PDZD9: variants seen among roughly 807,000 people sequenced by gnomAD.
PDZD9 encodes PDZ domain-containing protein 9.
In PDZD9, 13 loss-of-function variants were observed where a neutral mutation model predicts 16.3. That is an observed-to-expected ratio of 0.80 (90% CI 0.52 to 1.27). The LOEUF (loss-of-function observed/expected upper bound fraction) is 1.27, where lower values mean the gene tolerates loss of function less well. PDZD9 is among the 50% of genes most tolerant of loss of function. The pLI is 0.00. For synonymous variants in PDZD9, 120 were observed against 111.0 expected, an observed-to-expected ratio of 1.08 and a Z score of -0.51; for missense variants, 288 against 310.9, an observed-to-expected ratio of 0.93 and a Z score of 0.55.
chr16:21,987,087 T>C (rs1346059168), intron 3 of PDZD9, among the ~76,000 whole-genome samples: 2 of 152,042 alleles, frequency 1.3e-5, no homozygotes, highest in Admixed American at 6.6e-5. Context: ...TCTTAAGAGA[T>C]TTTTTGCAGG....
At chr16:21,991,158 A>G (rs1320240175) in intron 2 of PDZD9, among the ~76,000 whole-genome samples, 1 of 152,072 alleles carries the variant, frequency 6.6e-6, no homozygotes, top group Non-Finnish European at 1.5e-5. Flanking sequence ...GGGTGTCTGC[A>G]CACACCAGGC....
At position 21,984,623 on chromosome 16, in the gene PDZD9, A is replaced by C. The variant is rs1898829877; in HGVS notation, c.439T>G (p.Phe147Val). Residue 147 changes from phenylalanine to valine, a missense_variant, in exon 4 of 4, where the codon TTC becomes GTC. Phe to Val is a conservative substitution (Grantham distance 50, BLOSUM62 -1). Transcript: ENST00000424898. ...KKIELAKDESFTSSDDNENVD... is the reference protein window; with the variant it reads ...KKIELAKDESVTSSDDNENVD... ...TTTTCATTATCATCACTGCTTGTGA[A>C]AGATTCATCTTTTGCCAGCTCAATT... 6.6e-7 allele frequency: 1 copy of C among 1,526,556 alleles called. No individual in the cohort carries two copies. The highest frequency in any genetic ancestry group is 8.8e-7 in the Non-Finnish European group (1 of 1,135,816). The allele number at this position is 1,526,556 out of a possible 1,614,324, so 94.6% of individuals were successfully genotyped here. A position where few individuals can be genotyped will look rare whatever the true frequency, so the allele number is the denominator to read the frequency against.
the PDZD9 span, chr16:21,962,979 A>G: frequency 7.3e-7 from 1 of 1,373,466 alleles, no homozygotes; most frequent in Non-Finnish European, 9.7e-7. Flanking sequence ...CAAAATTTTT[A>G]TTTTTATTTT....
the PDZD9 span, chr16:21,976,523 C>G: frequency 3.3e-6 from 1 of 301,760 alleles, no homozygotes; most frequent in Non-Finnish European, 6.2e-6. Context: ...AAGACCTCGT[C>G]TCCACCAAAA....
chr16:21,975,639 A>C, the PDZD9 span, among the ~76,000 whole-genome samples: 1 of 152,068 alleles, frequency 6.6e-6, no homozygotes, highest in Non-Finnish European at 1.5e-5. Flanking sequence ...TTCCTTCTTG[A>C]CCCTGGCTTA....
chr16:21,987,325 C>G (rs1898901637), intron 3 of PDZD9, among the ~76,000 whole-genome samples: 1 of 152,056 alleles, frequency 6.6e-6, no homozygotes, highest in Non-Finnish European at 1.5e-5. Flanking sequence ...GAGGCTGAGG[C>G]AGGAGAATCA....
chr16:21,984,887 A>G (rs556653859), intron 3 of PDZD9, among the ~76,000 whole-genome samples: 14 of 152,294 alleles, frequency 9.2e-5, no homozygotes, highest in Admixed American at 3.3e-4. Context: ...CCATACCTTA[A>G]AAAGTTTTGC....
chr16:21,988,728 T>C lies in PDZD9; in HGVS notation c.275A>G (p.Gln92Arg). The change falls in exon 3 of 4, where the codon CAG becomes CGG. Residue 92 changes from glutamine (Q) to arginine (R), a missense_variant. Transcript: ENST00000424898. Reference sequence around the variant, plus strand: ...TCCAATAGTGATATGTTGCAAAAGCTGTAAAAATTCTCGAAGAGTATATCC... The same window carrying C: ...TCCAATAGTGATATGTTGCAAAAGCCGTAAAAATTCTCGAAGAGTATATCC... ...VLGYTLREFL[Q>R]LLQHITIGTV... The C allele has an allele frequency of 6.2e-7, 1 of 1,613,666 alleles. No homozygotes were observed. The highest frequency in any genetic ancestry group is 8.5e-7 in the Non-Finnish European group (1 of 1,179,768).
At chr16:21,968,120 G>C in the PDZD9 span, among the ~76,000 whole-genome samples, 1 of 150,430 alleles carries the variant, frequency 6.6e-6, no homozygotes. Context: ...TCGTGCCTCA[G>C]CCACCCATGT....
At chr16:21,961,668 A>ATT in the PDZD9 span, among the ~76,000 whole-genome samples, 2 of 116,046 alleles carry the variant, frequency 1.7e-5, no homozygotes, top group Non-Finnish European at 1.7e-5. Flanking sequence ...ATATATATAT[A>ATT]TTTTAGACAG....
At chr16:21,993,182 T>C (rs1229752380) in intron 2 of PDZD9, among the ~76,000 whole-genome samples, 1 of 151,984 alleles carries the variant, frequency 6.6e-6, no homozygotes, top group African/African-American at 2.4e-5. Flanking sequence ...AGTAGGTGAG[T>C]CCTGGATTTA....
At chr16:21,962,177 G>T in the PDZD9 span, 1 of 384,680 alleles carries the variant, frequency 2.6e-6, no homozygotes, top group Non-Finnish European at 4.8e-6. Context: ...TACAATATTT[G>T]TCCCTTTGTG....
intron 3 of PDZD9, among the ~76,000 whole-genome samples, chr16:21,987,934 A>T (rs750497379): frequency 6.6e-6 from 1 of 151,386 alleles, no homozygotes; most frequent in Non-Finnish European, 1.5e-5. Context: ...AAAGGCTTAG[A>T]TGTTATTGGG....
chr16:21,984,379 T>A lies in PDZD9; in HGVS notation c.683A>T (p.Gln228Leu). 2 of 1,614,188 alleles carry A rather than the reference T, an allele frequency of 1.2e-6. No individual in the cohort carries two copies. The highest frequency in any genetic ancestry group is 1.7e-6 in the Non-Finnish European group (2 of 1,180,026). Residue 228 changes from glutamine to leucine, a missense_variant, in exon 4 of 4, where the codon CAA becomes CTA. Gln to Leu is a moderately radical substitution (Grantham distance 113). Coordinates refer to ENST00000424898, the MANE Select transcript of PDZD9 (RefSeq NM_001363519.1). ...APSPYWIMVK[Q>L]DNESSSSSTS... ...AGAGGAGGAAGAGCTTTCATTGTCT[T>A]GCTTCACCATTATCCAGTATGGAGA...
chr16:21,963,489 A>G, the PDZD9 span, among the ~76,000 whole-genome samples: 1 of 150,590 alleles, frequency 6.6e-6, no homozygotes, highest in Non-Finnish European at 1.5e-5. Context: ...TTTGTTTTTG[A>G]GACAGGGTGT....
At chr16:21,980,564 G>A, downstream of PDZD9, 15 of 1,613,978 alleles carry the variant, frequency 9.3e-6, no homozygotes, top group Non-Finnish European at 1.3e-5. Context: ...CTGAAAGCTG[G>A]ATACCTAATG....
the PDZD9 span, among the ~76,000 whole-genome samples, chr16:21,970,584 T>G: frequency 6.6e-6 from 1 of 152,150 alleles, no homozygotes; most frequent in African/African-American, 2.4e-5. Flanking sequence ...GTATAACTTT[T>G]TTTGTTTGTT....
At chr16:21,957,729 G>C in the PDZD9 span, among the ~76,000 whole-genome samples, 6 of 152,186 alleles carry the variant, frequency 3.9e-5, no homozygotes, top group Non-Finnish European at 7.3e-5. Flanking sequence ...TCCTGTTACA[G>C]TTCTAGAGGC....
chr16:21,966,038 G>A, the PDZD9 span, among the ~76,000 whole-genome samples: 1 of 151,746 alleles, frequency 6.6e-6, no homozygotes, highest in Non-Finnish European at 1.5e-5. Context: ...TAGGGGCTGG[G>A]CCCAGTGGCT....
Sources: allele counts gnomAD v4.1 joint callset (sites outside exome capture counted in the v4.1 genomes callset), GRCh38; gene constraint gnomAD v4.1.1; transcripts MANE v1.5; gene names NCBI Gene and HGNC (gene_info 2026-07-23, HGNC 2026-07-21).